Variants in RALGAPA1 observed in about 807,000 individuals in gnomAD.
RALGAPA1 encodes the protein ral GTPase-activating protein subunit alpha-1.
In RALGAPA1, 52 loss-of-function variants were observed where a neutral mutation model predicts 269.6. That is an observed-to-expected ratio of 0.19 (90% CI 0.15 to 0.24). The LOEUF is 0.24. Ranked by LOEUF, RALGAPA1 falls within the 10% of genes least tolerant of loss-of-function variation. The probability of loss-of-function intolerance (pLI) is 1.00; values close to 1 mark genes in which losing one functional copy is unlikely to be tolerated. For synonymous variants in RALGAPA1, 817 were observed against 1,008.3 expected (o/e 0.81, Z 3.60); for missense variants, 1,917 against 3,013.9 (o/e 0.64, Z 8.52).
chr14:35,691,010 G>A (rs749408425), intron 17 of RALGAPA1, among the ~76,000 whole-genome samples: 16 of 151,232 alleles, frequency 1.1e-4, no homozygotes, highest in South Asian at 2.1e-4. Flanking sequence ...CAGAGGCTGC[G>A]GTGAGCCGAA....
At chr14:35,572,220 A>G (rs1474917938) in intron 38 of RALGAPA1, among the ~76,000 whole-genome samples, 1 of 152,212 alleles carries the variant, frequency 6.6e-6, no homozygotes, top group Admixed American at 6.5e-5. Context: ...TAGTCCTATT[A>G]TAAAGTAAAT....
intron 39 of RALGAPA1, among the ~76,000 whole-genome samples, chr14:35,561,492 T>C (rs547335806): frequency 1.1e-4 from 17 of 149,438 alleles, no homozygotes; most frequent in Admixed American, 1.0e-3. Flanking sequence ...TAATGCCATG[T>C]CTTTAATATA....
At chr14:35,683,188 T>A (rs1249722176) in intron 21 of RALGAPA1, among the ~76,000 whole-genome samples, 1 of 152,172 alleles carries the variant, frequency 6.6e-6, no homozygotes, top group Non-Finnish European at 1.5e-5. Context: ...TCAGGCTCAT[T>A]CTAATCACTT....
At chr14:35,706,123 G>C (rs898123009) in intron 16 of RALGAPA1, among the ~76,000 whole-genome samples, 4 of 152,146 alleles carry the variant, frequency 2.6e-5, no homozygotes, top group African/African-American at 9.7e-5. Flanking sequence ...CTCTCACAAA[G>C]CAGAAGTTTT....
intron 1 of RALGAPA1, among the ~76,000 whole-genome samples, chr14:35,800,229 C>T (rs968041318): frequency 9.2e-5 from 14 of 152,180 alleles, no homozygotes; most frequent in Non-Finnish European, 2.1e-4. Flanking sequence ...ACAACACTAA[C>T]AAGCAACTCG....
chr14:35,618,094 A>C (rs1343793405), intron 35 of RALGAPA1, among the ~76,000 whole-genome samples: 1 of 152,184 alleles, frequency 6.6e-6, no homozygotes, highest in Admixed American at 6.5e-5. Flanking sequence ...TAGAAATGTT[A>C]TGATTTCTTC....
chr14:35,751,824 AAAAAAG>A (rs1190849096), intron 8 of RALGAPA1, among the ~76,000 whole-genome samples, 194 bp downstream of exon 8: 687 of 151,840 alleles, frequency 4.5e-3, no homozygotes, highest in African/African-American at 0.015. Flanking sequence ...AAAAAAAACA[AAAAAAG>A]AAAAACTCAT....
At chr14:35,653,148 T>G (rs931293980) in intron 30 of RALGAPA1, among the ~76,000 whole-genome samples, 1 of 152,274 alleles carries the variant, frequency 6.6e-6, no homozygotes, top group South Asian at 2.1e-4. Context: ...CTTATGACTC[T>G]TATGTAGTTA....
At position 35,700,208 on chromosome 14, in the gene RALGAPA1, G is replaced by A; in HGVS notation, c.2361C>T (p.Pro787=). ...SAPVLIHTSK[P]FLPDIVLTPL... Reference sequence around the variant, plus strand: ...GAGTGAGAACAATATCAGGCAAGAAGGGTTTGGAAGTATGGATCAGAACAG... The same window carrying A: ...GAGTGAGAACAATATCAGGCAAGAAAGGTTTGGAAGTATGGATCAGAACAG... Residue 787 remains proline, a synonymous_variant, in exon 17 of 42, where the codon CCC becomes CCT. Coordinates refer to ENST00000680220, the MANE Select transcript of RALGAPA1 (RefSeq NM_001346249.2). The A allele has an allele frequency of 6.5e-7, 1 of 1,535,768 alleles. No homozygotes were observed. The highest frequency in any genetic ancestry group is 8.7e-7 in the Non-Finnish European group (1 of 1,146,780).
intron 1 of RALGAPA1, among the ~76,000 whole-genome samples, chr14:35,788,209 G>A (rs1452793851): frequency 6.6e-6 from 1 of 151,026 alleles, no homozygotes; most frequent in Non-Finnish European, 1.5e-5. Context: ...CTGACCTCGT[G>A]ATTTACCCAC....
At chr14:35,684,792 A>T (rs2065771966) in intron 20 of RALGAPA1, 137 bp downstream of exon 20, 22 of 696,040 alleles carry the variant, frequency 3.2e-5, no homozygotes, top group Non-Finnish European at 4.8e-5. Context: ...CAAATATCTA[A>T]TTTTTTTTTT....
intron 39 of RALGAPA1, among the ~76,000 whole-genome samples, chr14:35,552,019 A>C (rs1311256234): frequency 2.0e-5 from 3 of 152,254 alleles, no homozygotes; most frequent in Non-Finnish European, 4.4e-5. Context: ...TGGGGGGTCA[A>C]ACACTGTTAG....
intron 39 of RALGAPA1, among the ~76,000 whole-genome samples, chr14:35,566,566 C>T (rs900934721): frequency 3.3e-5 from 5 of 151,918 alleles, no homozygotes; most frequent in Admixed American, 2.6e-4. Context: ...CAAAGCCTAC[C>T]TGTATCTCAA....
chr14:35,733,234 T>C (rs898691356), intron 12 of RALGAPA1, among the ~76,000 whole-genome samples: 1 of 152,118 alleles, frequency 6.6e-6, no homozygotes, highest in Non-Finnish European at 1.5e-5. Context: ...TCCCAGCGCT[T>C]TGGGAGGCTG....
rs75331508 is a variant in RALGAPA1 at position 35,713,026 on chromosome 14, A to C, written c.2266+8662T>G. On this transcript the variant is annotated intron_variant, in intron 16 of 41. Coordinates refer to ENST00000680220, the MANE Select transcript of RALGAPA1 (RefSeq NM_001346249.2). Reference sequence around the variant, plus strand: ...TGCAGGGCCTTATAAAAATCATGGTAAGATTTTCAATTTTATCCCAAGAGC... The same window carrying C: ...TGCAGGGCCTTATAAAAATCATGGTCAGATTTTCAATTTTATCCCAAGAGC... Among the ~76,000 whole-genome samples the C allele has an allele frequency of 2.3e-3, 355 of 152,364 alleles. 1 individual carries two copies. The highest frequency in any genetic ancestry group is 8.1e-3 in the African/African-American group (338 of 41,594).
chr14:35,542,037 A>G, intron 41 of RALGAPA1: 1 of 1,245,250 alleles, frequency 8.0e-7, no homozygotes, highest in Non-Finnish European at 1.1e-6. Context: ...CAACTAACAA[A>G]ACAAGTTCAA....
In RALGAPA1 at chr14:35,672,125, A is replaced by C. The variant is rs529356564; in HGVS notation, c.5074-608T>G. ...CAAAAGCTCTCTTCTTCTAATAATT[A>C]AGAGAGTCATTTTACTTGAGACATG... On this transcript the variant is annotated intron_variant, in intron 25 of 41. Coordinates refer to ENST00000680220, the MANE Select transcript of RALGAPA1 (RefSeq NM_001346249.2). Among the ~76,000 whole-genome samples the C allele has an allele frequency of 5.4e-4, 82 of 152,308 alleles. 1 individual carries two copies. The South Asian group carries it at 0.017, about 32-fold the overall frequency.
chr14:35,738,086 T>C (rs970947596), intron 12 of RALGAPA1, among the ~76,000 whole-genome samples: 1 of 135,826 alleles, frequency 7.4e-6, no homozygotes, highest in Non-Finnish European at 1.5e-5. Context: ...GAAAACTCCA[T>C]CTCAAAAAAA....
At chr14:35,549,744 A>G (rs2054801077) in intron 39 of RALGAPA1, among the ~76,000 whole-genome samples, 1 of 152,168 alleles carries the variant, frequency 6.6e-6, no homozygotes, top group Admixed American at 6.5e-5. Flanking sequence ...TTTTTCTAAA[A>G]TCCCTGCATT....
Sources: gnomAD v4.1 joint callset for allele counts (sites outside exome capture counted in the v4.1 genomes callset) on GRCh38, gnomAD v4.1.1 for gene constraint, MANE v1.5 for transcripts, NCBI Gene and HGNC (gene_info 2026-07-23, HGNC 2026-07-21) for gene names.